KLF7: variants seen among roughly 807,000 people sequenced by gnomAD.
The protein encoded by KLF7 is KLF transcription factor 7, also known as Krueppel-like factor 7.
A neutral mutation model predicts 27.3 loss-of-function variants in KLF7; 2 were observed. The ratio of observed to expected loss-of-function variants is 0.07; its 90% CI spans 0.03 to 0.23. KLF7 has a LOEUF of 0.23. KLF7 is among the 10% of genes least tolerant of loss of function. The pLI is 1.00. For missense variants in KLF7, 221 were observed against 394.1 expected (o/e 0.56, Z 3.72); for synonymous variants, 165 against 162.4 (o/e 1.02, Z -0.12).
chr2:207,145,645 AC>A (rs1467591447), intron 1 of KLF7, among the ~76,000 whole-genome samples: 1 of 152,212 alleles, frequency 6.6e-6, no homozygotes, highest in Non-Finnish European at 1.5e-5. Flanking sequence ...GTCAGATGTG[AC>A]TGTGAATGTC....
chr2:207,154,285 T>C (rs1307687094), intron 1 of KLF7, among the ~76,000 whole-genome samples: 1 of 152,140 alleles, frequency 6.6e-6, no homozygotes, highest in African/African-American at 2.4e-5. Context: ...ATGTTATATA[T>C]GCCTAATTCT....
chr2:207,123,708 C>T (rs528896852), intron 2 of KLF7, 66 bp downstream of exon 2: 138 of 1,529,654 alleles, frequency 9.0e-5, no homozygotes, highest in Non-Finnish European at 1.1e-4. Context: ...AAAGAGGAGC[C>T]CTCCCACATG....
chr2:207,123,740 G>T lies in KLF7; in HGVS notation c.733+34C>A, dbSNP rs1220836301. Reference sequence around the variant, plus strand: ...CATGACGAGGCTACAGGAGGGGAAAGAAGAAACCACGTGCGGCCAACTTGT... The same window carrying T: ...CATGACGAGGCTACAGGAGGGGAAATAAGAAACCACGTGCGGCCAACTTGT... On this transcript the variant is annotated intron_variant, in intron 2 of 3. Transcript: ENST00000309446. The T allele has an allele frequency of 1.9e-6, 3 of 1,584,528 alleles. No homozygotes were observed. In the African/African-American group the frequency reaches 4.0e-5, roughly 21 times the overall value.
At chr2:207,130,346 G>A (rs1559146838) in intron 1 of KLF7, among the ~76,000 whole-genome samples, 1 of 152,196 alleles carries the variant, frequency 6.6e-6, no homozygotes, top group Non-Finnish European at 1.5e-5. Flanking sequence ...CTTCAACCCT[G>A]GACAATTAAA....
intron 2 of KLF7, among the ~76,000 whole-genome samples, chr2:207,106,668 G>A (rs919503185): frequency 7.9e-5 from 12 of 152,156 alleles, no homozygotes; most frequent in African/African-American, 2.9e-4. Flanking sequence ...TTTGGAACTC[G>A]TGCATGCTGT....
intron 1 of KLF7, among the ~76,000 whole-genome samples, chr2:207,143,421 A>C (rs1371723776): frequency 7.6e-6 from 1 of 131,630 alleles, no homozygotes; most frequent in Non-Finnish European, 1.7e-5. Context: ...TCCATTTACC[A>C]AAAAAAAAAA....
chr2:207,080,870 A>T lies in KLF7; in HGVS notation c.*343T>A. ...GTCACATCCATTTTCTTTGATTTCC[A>T]TTGGCAACAGCGGGAAATAATTCCA... On this transcript the variant is annotated 3_prime_UTR_variant, in exon 4 of 4. Transcript: ENST00000309446. The T allele has an allele frequency of 2.4e-6, 1 of 415,842 alleles. No homozygotes were observed. Among genetic ancestry groups the T allele is most frequent in the Non-Finnish European group, 4.2e-6 (1 of 235,912 alleles). 25.8% of individuals were successfully genotyped at this position (415,842 alleles called of 1,614,324 possible). A position where few individuals can be genotyped will look rare whatever the true frequency, so the allele number is the denominator to read the frequency against.
rs1252218426 is a variant in KLF7, at chr2:207,135,665, G to A, written c.103-11261C>T. Among the ~76,000 whole-genome samples the A allele has an allele frequency of 2.0e-5, 3 of 152,222 alleles. No individual in the cohort carries two copies. The East Asian group carries it at 5.8e-4, about 29-fold the overall frequency. Reference sequence around the variant, plus strand: ...CAATCCTGGGTAGGAAGAGATTCAAGAGTATCATGAAAGCCAGAAATTCTT... The same window carrying A: ...CAATCCTGGGTAGGAAGAGATTCAAAAGTATCATGAAAGCCAGAAATTCTT... On this transcript the variant is annotated intron_variant, in intron 1 of 3. Transcript: ENST00000309446.
At position 207,130,873 on chromosome 2, in the gene KLF7, A is replaced by G. The variant is rs78126611; in HGVS notation, c.103-6469T>C. On this transcript the variant is annotated intron_variant, in intron 1 of 3. Coordinates refer to ENST00000309446, the MANE Select transcript of KLF7 (RefSeq NM_003709.4). ...TAAAAAAACAAATTTAAAGAAATAA[A>G]GAAATTGCAATTTTCTAATGACTTT... 4.0e-3 allele frequency among the ~76,000 whole-genome samples: 617 copies of G among 152,352 alleles called. 7 individuals are homozygous for G. The highest frequency in any genetic ancestry group is 0.014 in the African/African-American group (577 of 41,564).
At chr2:207,102,869 T>C (rs2076799589) in intron 2 of KLF7, among the ~76,000 whole-genome samples, 2 of 152,194 alleles carry the variant, frequency 1.3e-5, no homozygotes, top group African/African-American at 4.8e-5. Flanking sequence ...TGTTGACATA[T>C]GACCAAGTTC....
rs772773206 is a variant in KLF7, at chr2:207,088,452, C to T, written c.857+6G>A. The T allele has an allele frequency of 9.3e-6, 15 of 1,613,324 alleles. No individual in the cohort carries two copies. The highest frequency in any genetic ancestry group is 1.3e-5 in the African/African-American group (1 of 74,926). On this transcript the variant is annotated splice_donor_region_variant and intron_variant, in intron 3 of 3. Coordinates refer to ENST00000309446, the MANE Select transcript of KLF7 (RefSeq NM_003709.4). Reference sequence around the variant, plus strand: ...CCCTAGCCCATCAACTTCTACTTCTCTTTACCTGTCGCAGTGGTTGCATTT... The same window carrying T: ...CCCTAGCCCATCAACTTCTACTTCTTTTTACCTGTCGCAGTGGTTGCATTT...
In KLF7 at chr2:207,158,294, T is replaced by C. The variant is rs1574590600; in HGVS notation, c.102+7173A>G. Among the ~76,000 whole-genome samples the C allele has an allele frequency of 2.6e-5, 4 of 152,132 alleles. No individual in the cohort carries two copies. The East Asian group carries it at 5.8e-4, about 22-fold the overall frequency. On this transcript the variant is annotated intron_variant, in intron 1 of 3. Transcript: ENST00000309446. ...ATTTTCCTTTCCTCATTAGGGACAA[T>C]GGTAAAAATTAGGCCTACTTCATCC...
intron 2 of KLF7, among the ~76,000 whole-genome samples, chr2:207,121,276 A>G (rs1236560623): frequency 2.0e-5 from 3 of 152,222 alleles, no homozygotes; most frequent in Non-Finnish European, 2.9e-5. Flanking sequence ...GTTTTGTGGT[A>G]GTTAACTTTG....
rs986547600 is a variant in KLF7 at position 207,080,761 on chromosome 2, C to T, written c.*452G>A. 2 of 400,602 alleles carry T rather than the reference C, an allele frequency of 5.0e-6. No homozygotes were observed. The highest frequency in any genetic ancestry group is 4.1e-5 in the African/African-American group (2 of 48,652). 24.8% of individuals were successfully genotyped at this position (400,602 alleles called of 1,614,324 possible). A position where few individuals can be genotyped will look rare whatever the true frequency, so the allele number is the denominator to read the frequency against. On this transcript the variant is annotated 3_prime_UTR_variant, in exon 4 of 4. Coordinates refer to ENST00000309446, the MANE Select transcript of KLF7 (RefSeq NM_003709.4). Reference sequence around the variant, plus strand: ...AAACATTAGTGCTACACATATGCAACTTTAAGATGCTGGATTCTCCTATCA... The same window carrying T: ...AAACATTAGTGCTACACATATGCAATTTTAAGATGCTGGATTCTCCTATCA...
Position 207,089,288 on chromosome 2 carries a change from C to T in KLF7, c.734-707G>A, listed in dbSNP as rs371880683. Among the ~76,000 whole-genome samples, 27 of 152,300 alleles carry T rather than the reference C, an allele frequency of 1.8e-4. No individual in the cohort carries two copies. The East Asian group carries it at 3.5e-3, about 20-fold the overall frequency. ...AGTGTTCTTATTAGAGAATAATATA[C>T]ATTATTGTAAAATATTTTCAAAATC... On this transcript the variant is annotated intron_variant, in intron 2 of 3. Coordinates refer to ENST00000309446, the MANE Select transcript of KLF7 (RefSeq NM_003709.4).
intron 2 of KLF7, among the ~76,000 whole-genome samples, chr2:207,103,453 G>A (rs565266063): frequency 6.6e-6 from 1 of 152,286 alleles, no homozygotes; most frequent in Admixed American, 6.5e-5. Flanking sequence ...AGAGAAAAAA[G>A]AAATCTTACA....
upstream of KLF7, chr2:207,166,270 C>A (rs2078705692): frequency 1.2e-6 from 1 of 835,806 alleles, no homozygotes; most frequent in South Asian, 5.5e-5. Context: ...GGGGCTTGGC[C>A]CTGGCGGCGG....
At position 207,077,826 on chromosome 2, in the gene KLF7, T is replaced by C. The variant is rs975867551; in HGVS notation, c.*3387A>G. On this transcript the variant is annotated 3_prime_UTR_variant, in exon 4 of 4. Coordinates refer to ENST00000309446, the MANE Select transcript of KLF7 (RefSeq NM_003709.4). The stretch of plus-strand genomic sequence containing the variant: ...AAATTGTCAGTGGCTTAGAAACTCT[T>C]TTTCTACATGAACAAATCTGAACCC... 6.6e-6 allele frequency: 1 copy of C among 152,166 alleles called. No homozygotes were observed. Among genetic ancestry groups the C allele is most frequent in the Non-Finnish European group, 1.5e-5 (1 of 68,042 alleles). 9.4% of individuals were successfully genotyped at this position (152,166 alleles called of 1,614,324 possible).
chr2:207,120,414 T>C (rs2077306371), intron 2 of KLF7, among the ~76,000 whole-genome samples: 1 of 152,228 alleles, frequency 6.6e-6, no homozygotes, highest in Non-Finnish European at 1.5e-5. Flanking sequence ...GACACACACA[T>C]TTTATTTTAC....
Sources: allele counts gnomAD v4.1 joint callset (sites outside exome capture counted in the v4.1 genomes callset), GRCh38; gene constraint gnomAD v4.1.1; transcripts MANE v1.5; gene names NCBI Gene and HGNC (gene_info 2026-07-23, HGNC 2026-07-21).